ZNF778: variants seen among roughly 807,000 people sequenced by gnomAD.
The protein encoded by ZNF778 is zinc finger protein 778.
ZNF778 carries 37 observed loss-of-function variants against 23.9 expected under a neutral mutation model. The observed-to-expected ratio is 1.54, with a 90% CI of 1.19 to 2.03. ZNF778 has a LOEUF of 2.03. ZNF778 is among the 30% of genes most tolerant of loss of function. The probability of loss-of-function intolerance (pLI) is 0.00; values close to 1 mark genes in which losing one functional copy is unlikely to be tolerated. For missense variants in ZNF778, 1,297 were observed against 934.4 expected, an observed-to-expected ratio of 1.39 and a Z score of -5.06; for synonymous variants, 483 against 343.9, an observed-to-expected ratio of 1.40 and a Z score of -4.48.
At chr16:89,222,838 C>T (rs2031089075) in intron 3 of ZNF778, among the ~76,000 whole-genome samples, 1 of 152,158 alleles carries the variant, frequency 6.6e-6, no homozygotes, top group Non-Finnish European at 1.5e-5. Flanking sequence ...GAGGGGAGTG[C>T]CCAGTGAGCG....
intron 1 of ZNF778, among the ~76,000 whole-genome samples, chr16:89,218,727 C>G (rs2030612255): frequency 6.6e-6 from 1 of 151,892 alleles, no homozygotes; most frequent in South Asian, 2.1e-4. Flanking sequence ...GGAGGCGGAG[C>G]TTGCAGTGAG....
chr16:89,233,172 G>A lies in ZNF778; in HGVS notation c.*4610G>A, dbSNP rs112995260. 7.3e-5 allele frequency: 30 copies of A among 411,136 alleles called. No individual in the cohort carries two copies. Among genetic ancestry groups the A allele is most frequent in the Non-Finnish European group, 1.0e-4 (25 of 245,000 alleles). The allele number at this position is 411,136 out of a possible 1,614,324, so 25.5% of individuals were successfully genotyped here. On this transcript the variant is annotated 3_prime_UTR_variant, in exon 7 of 7. Transcript: ENST00000433976. ...GCGTATGCAACTCAGCTCGCACTGC[G>A]TATGCAACTCAGCTCGCACTGCGTA...
In ZNF778 at chr16:89,232,928, A is replaced by C. The variant is rs1567514728; in HGVS notation, c.*4366A>C. 7.9e-7 allele frequency: 1 copy of C among 1,269,076 alleles called. No homozygotes were observed. The highest frequency in any genetic ancestry group is 1.0e-6 in the Non-Finnish European group (1 of 980,776). The allele number at this position is 1,269,076 out of a possible 1,614,324, so 78.6% of individuals were successfully genotyped here. On this transcript the variant is annotated 3_prime_UTR_variant, in exon 7 of 7. Transcript: ENST00000433976. ...CAACTCAACTCGCACTGCGTATGCG[A>C]ATCCACTCACTGCCTATGCAACTCA...
chr16:89,225,338 A>G lies in ZNF778; in HGVS notation c.329-217A>G, dbSNP rs562769610. 4.6e-5 allele frequency among the ~76,000 whole-genome samples: 7 copies of G among 151,952 alleles called. No individual in the cohort carries two copies. In the East Asian group the frequency reaches 1.4e-3, roughly 29 times the overall value. On this transcript the variant is annotated intron_variant, in intron 5 of 6. Coordinates refer to ENST00000433976, the MANE Select transcript of ZNF778 (RefSeq NM_001201407.2). The stretch of plus-strand genomic sequence containing the variant: ...AGCTCTTTCCTGCTTTCTTTCATTG[A>G]TAATATTGTTTCTGTTCACCTCACA...
rs1002746794 is a variant in ZNF778, at chr16:89,236,558, A to G, written c.*7996A>G. 1.3e-5 allele frequency: 2 copies of G among 152,248 alleles called. No homozygotes were observed. Among genetic ancestry groups the G allele is most frequent in the African/African-American group, 4.8e-5 (2 of 41,462 alleles). The allele number at this position is 152,248 out of a possible 1,614,324, so 9.4% of individuals were successfully genotyped here. On this transcript the variant is annotated 3_prime_UTR_variant, in exon 7 of 7. Transcript: ENST00000433976. ...GAGTAAATACCTGAGTAAATAGATC[A>G]GATCATTCTACTCTTGAGTTCTTTA...
Position 89,227,621 on chromosome 16 carries a change from G to C in ZNF778, c.1333G>C (p.Gly445Arg), listed in dbSNP as rs779741932. 1 of 1,614,098 alleles carries C rather than the reference G, an allele frequency of 6.2e-7. No individual in the cohort carries two copies. Among genetic ancestry groups the C allele is most frequent in the Non-Finnish European group, 8.5e-7 (1 of 1,179,974 alleles). ...TACTAGACACGTACGAACACACACG[G>C]GCGAGAAGCCATACACGTGTAAGGA... Reference protein sequence around the residue: ...GLTRHVRTHTGEKPYTCKDCG... With the variant: ...GLTRHVRTHTREKPYTCKDCG... The change falls in exon 7 of 7, where the codon GGC (glycine) becomes CGC (arginine). Residue 445 changes from glycine (G) to arginine (R), a missense_variant. By Grantham distance (125) the Gly-to-Arg change is moderately radical (BLOSUM62 -2). Transcript: ENST00000433976.
intron 6 of ZNF778, among the ~76,000 whole-genome samples, chr16:89,226,298 C>T (rs1047999792): frequency 6.6e-6 from 1 of 151,670 alleles, no homozygotes; most frequent in Admixed American, 6.6e-5. Flanking sequence ...CTCTGCCTCC[C>T]TGGTTCAAGC....
intron 1 of ZNF778, among the ~76,000 whole-genome samples, chr16:89,220,321 C>T (rs2030798053): frequency 2.0e-5 from 3 of 152,306 alleles, no homozygotes; most frequent in Admixed American, 2.0e-4. Context: ...CTAGACCTAC[C>T]TTTGTCCTGC....
chr16:89,233,737 G>C lies in ZNF778; in HGVS notation c.*5175G>C. 3 of 1,029,058 alleles carry C rather than the reference G, an allele frequency of 2.9e-6. No individual in the cohort carries two copies. The highest frequency in any genetic ancestry group is 2.0e-5 in the South Asian group (1 of 49,784). 63.7% of individuals were successfully genotyped at this position (1,029,058 alleles called of 1,614,324 possible). The stretch of plus-strand genomic sequence containing the variant: ...CTGCGTATGCAACTCAACTCGCACT[G>C]CATATGCAACTCAACTCGCACTGCG... On this transcript the variant is annotated 3_prime_UTR_variant, in exon 7 of 7. Coordinates refer to ENST00000433976, the MANE Select transcript of ZNF778 (RefSeq NM_001201407.2).
Position 89,233,990 on chromosome 16 carries a change from C to A in ZNF778, c.*5428C>A. The A allele has an allele frequency of 8.3e-7, 1 of 1,210,774 alleles. No individual in the cohort carries two copies. The highest frequency in any genetic ancestry group is 1.1e-6 in the Non-Finnish European group (1 of 917,110). 75.0% of individuals were successfully genotyped at this position (1,210,774 alleles called of 1,614,324 possible). A position where few individuals can be genotyped will look rare whatever the true frequency, so the allele number is the denominator to read the frequency against. The stretch of plus-strand genomic sequence containing the variant: ...CTAGCCAGCCCCAGACTTCATCCTG[C>A]CCTGTCCTGCCTTTCCTGTGAAAAC... On this transcript the variant is annotated 3_prime_UTR_variant, in exon 7 of 7. Coordinates refer to ENST00000433976, the MANE Select transcript of ZNF778 (RefSeq NM_001201407.2).
At position 89,230,181 on chromosome 16, in the gene ZNF778, C is replaced by A; in HGVS notation, c.*1619C>A. On this transcript the variant is annotated 3_prime_UTR_variant, in exon 7 of 7. Coordinates refer to ENST00000433976, the MANE Select transcript of ZNF778 (RefSeq NM_001201407.2). ...AAATGCCCTTGTTCCTCTCCCATAC[C>A]TGATCCCTTCAGATAAAACACCAGG... The A allele has an allele frequency of 2.1e-6, 1 of 465,404 alleles. No homozygotes were observed. The highest frequency in any genetic ancestry group is 2.8e-6 in the Non-Finnish European group (1 of 355,458). 28.8% of individuals were successfully genotyped at this position (465,404 alleles called of 1,614,324 possible).
In ZNF778 at chr16:89,235,311, C is replaced by G. The variant is rs1044696653; in HGVS notation, c.*6749C>G. On this transcript the variant is annotated 3_prime_UTR_variant, in exon 7 of 7. Coordinates refer to ENST00000433976, the MANE Select transcript of ZNF778 (RefSeq NM_001201407.2). ...CGAGTGGGAAACAGGTGTCCTAACA[C>G]TGTGAGAGAAAAAATCCGAAAGTTT... is the stretch of plus-strand genomic sequence containing the variant. 2 of 152,182 alleles carry G rather than the reference C, an allele frequency of 1.3e-5. No individual in the cohort carries two copies. Among genetic ancestry groups the G allele is most frequent in the Admixed American group, 1.3e-4 (2 of 15,266 alleles). The allele number at this position is 152,182 out of a possible 1,614,324, so 9.4% of individuals were successfully genotyped here.
chr16:89,234,364 C>G lies in ZNF778; in HGVS notation c.*5802C>G. 1 of 292,318 alleles carries G rather than the reference C, an allele frequency of 3.4e-6. No individual in the cohort carries two copies. The highest frequency in any genetic ancestry group is 3.3e-5 in the South Asian group (1 of 30,566). 18.1% of individuals were successfully genotyped at this position (292,318 alleles called of 1,614,324 possible). The stretch of plus-strand genomic sequence containing the variant: ...ACCTTCTTAGGGAGTGACGTTTTTT[C>G]CAAAGTGGTTGTGAAACAGCATCTC... On this transcript the variant is annotated 3_prime_UTR_variant, in exon 7 of 7. Coordinates refer to ENST00000433976, the MANE Select transcript of ZNF778 (RefSeq NM_001201407.2).
Position 89,233,546 on chromosome 16 carries a change from A to T in ZNF778, c.*4984A>T, listed in dbSNP as rs1468404989. On this transcript the variant is annotated 3_prime_UTR_variant, in exon 7 of 7. Coordinates refer to ENST00000433976, the MANE Select transcript of ZNF778 (RefSeq NM_001201407.2). Reference sequence around the variant, plus strand: ...TCAACTCGCACTGCGTATGCAAATCAACTCACTGCATATGCAACTCAGCTC... The same window carrying T: ...TCAACTCGCACTGCGTATGCAAATCTACTCACTGCATATGCAACTCAGCTC... 3 of 1,276,012 alleles carry T rather than the reference A, an allele frequency of 2.4e-6. No individual in the cohort carries two copies. Among genetic ancestry groups the T allele is most frequent in the Non-Finnish European group, 3.0e-6 (3 of 986,366 alleles). 79.0% of individuals were successfully genotyped at this position (1,276,012 alleles called of 1,614,324 possible).
intron 1 of ZNF778, among the ~76,000 whole-genome samples, chr16:89,220,424 G>T (rs1168100288): frequency 2.0e-5 from 3 of 152,178 alleles, no homozygotes; most frequent in East Asian, 3.8e-4. Flanking sequence ...TTGGGAGGCC[G>T]AGGTGGGCGG....
chr16:89,232,875 G>A lies in ZNF778; in HGVS notation c.*4313G>A, dbSNP rs372469628. 229 of 1,212,972 alleles carry A rather than the reference G, an allele frequency of 1.9e-4. 1 individual carries two copies. The highest frequency in any genetic ancestry group is 7.5e-4 in the Admixed American group (31 of 41,484). 75.1% of individuals were successfully genotyped at this position (1,212,972 alleles called of 1,614,324 possible). A position where few individuals can be genotyped will look rare whatever the true frequency, so the allele number is the denominator to read the frequency against. On this transcript the variant is annotated 3_prime_UTR_variant, in exon 7 of 7. Coordinates refer to ENST00000433976, the MANE Select transcript of ZNF778 (RefSeq NM_001201407.2). Reference sequence around the variant, plus strand: ...GTGTATGCAAATCAACTCGCACTGCGTATGCAACTCAACTCGCACTGCGTA... The same window carrying A: ...GTGTATGCAAATCAACTCGCACTGCATATGCAACTCAACTCGCACTGCGTA...
In ZNF778 at chr16:89,224,793, G is replaced by T. The variant is rs1041887393; in HGVS notation, c.319G>T (p.Val107Phe). The T allele has an allele frequency of 7.0e-7, 1 of 1,431,290 alleles. No individual in the cohort carries two copies. The highest frequency in any genetic ancestry group is 1.8e-4 in the Middle Eastern group (1 of 5,712). The allele number at this position is 1,431,290 out of a possible 1,614,324, so 88.7% of individuals were successfully genotyped here. Residue 107 changes from valine to phenylalanine, a missense_variant, in exon 5 of 7, where the codon GTT becomes TTT. Physicochemically the swap from Val to Phe is conservative, Grantham distance 50. Coordinates refer to ENST00000433976, the MANE Select transcript of ZNF778 (RefSeq NM_001201407.2). Reference sequence around the variant, plus strand: ...GGAGTTGAGGGCAGGGCGGAGAGCAGTTCTCCAAGGTAAGTGTGAAGAGCA... The same window carrying T: ...GGAGTTGAGGGCAGGGCGGAGAGCATTTCTCCAAGGTAAGTGTGAAGAGCA... ...EEELRAGRRA[V>F]LQEWRLKTKG...
Position 89,227,358 on chromosome 16 carries a change from A to G in ZNF778, c.1070A>G (p.Gln357Arg), listed in dbSNP as rs865918617. Residue 357 changes from glutamine to arginine, a missense_variant, in exon 7 of 7, where the codon CAA becomes CGA. Transcript: ENST00000433976. Reference protein sequence around the residue: ...TGLSGLSKHVQTDPGQKPYEC... With the variant: ...TGLSGLSKHVRTDPGQKPYEC... The stretch of plus-strand genomic sequence containing the variant: ...CTCTCAGGTCTTTCTAAACACGTCC[A>G]AACAGACCCTGGACAGAAGCCCTAT... 4 of 1,614,008 alleles carry G rather than the reference A, an allele frequency of 2.5e-6. No homozygotes were observed. Among genetic ancestry groups the G allele is most frequent in the Non-Finnish European group, 3.4e-6 (4 of 1,179,870 alleles).
chr16:89,230,020 T>C lies in ZNF778; in HGVS notation c.*1458T>C, dbSNP rs2031830592. On this transcript the variant is annotated 3_prime_UTR_variant, in exon 7 of 7. Coordinates refer to ENST00000433976, the MANE Select transcript of ZNF778 (RefSeq NM_001201407.2). ...GTGAGCAGTGTAGGCTCTGGTTGGT[T>C]AGTCTTAAGTATCCAGATGGGATCC... The C allele has an allele frequency of 1.0e-6, 1 of 981,190 alleles. No individual in the cohort carries two copies. The highest frequency in any genetic ancestry group is 1.7e-5 in the African/African-American group (1 of 57,174). The allele number at this position is 981,190 out of a possible 1,614,324, so 60.8% of individuals were successfully genotyped here. A position where few individuals can be genotyped will look rare whatever the true frequency, so the allele number is the denominator to read the frequency against.
Sources: gnomAD v4.1 joint callset for allele counts (sites outside exome capture counted in the v4.1 genomes callset) on GRCh38, gnomAD v4.1.1 for gene constraint, MANE v1.5 for transcripts, NCBI Gene and HGNC (gene_info 2026-07-23, HGNC 2026-07-21) for gene names.